COL11A1: variants seen among roughly 807,000 people sequenced by gnomAD.
COL11A1 encodes the protein collagen type XI alpha 1 chain, also known as collagen alpha-1(XI) chain.
In COL11A1, 74 loss-of-function variants were observed where a neutral mutation model predicts 265.2. The ratio of observed to expected loss-of-function variants is 0.28; its 90% confidence interval spans 0.23 to 0.34. COL11A1 has a LOEUF of 0.34. Among genes scored for constraint, COL11A1 ranks in the 10% least tolerant of loss-of-function variants. The probability of loss-of-function intolerance (pLI) is 1.00; values close to 1 mark genes in which losing one functional copy is unlikely to be tolerated. For missense variants in COL11A1, 2,165 were observed against 2,263.6 expected (o/e 0.96, Z 0.88); for synonymous variants, 816 against 727.6 (o/e 1.12, Z -1.96).
At chr1:103,095,987 A>G (rs1050647147) in intron 1 of COL11A1, among the ~76,000 whole-genome samples, 7 of 152,098 alleles carry the variant, frequency 4.6e-5, no homozygotes, top group African/African-American at 1.7e-4. Flanking sequence ...ACTGATAACA[A>G]GCTGTATAGG....
intron 4 of COL11A1, among the ~76,000 whole-genome samples, chr1:103,035,372 C>A (rs1668283923): frequency 1.3e-5 from 2 of 152,008 alleles, no homozygotes; most frequent in African/African-American, 4.8e-5. Context: ...ATTATCACCA[C>A]AAAAATGAGC....
At chr1:102,934,706 A>T in intron 45 of COL11A1, 150 bp from the exon 46 acceptor site, 2 of 692,272 alleles carry the variant, frequency 2.9e-6, no homozygotes, top group South Asian at 1.8e-5. Context: ...TATCTGCTCC[A>T]ATATACTATT....
At chr1:102,878,190 A>G in intron 66 of COL11A1, 25 bp from the exon 67 acceptor site, 1 of 1,590,430 alleles carries the variant, frequency 6.3e-7, no homozygotes. Flanking sequence ...AGAAATAAAA[A>G]GTTATACAAT....
chr1:103,074,162 T>G (rs1332915913), intron 4 of COL11A1, among the ~76,000 whole-genome samples: 1 of 152,110 alleles, frequency 6.6e-6, no homozygotes, highest in Admixed American at 6.6e-5. Flanking sequence ...TTTAAAGTGA[T>G]TTAAACACTT....
At chr1:103,098,018 G>A (rs1673925248) in intron 1 of COL11A1, among the ~76,000 whole-genome samples, 1 of 151,856 alleles carries the variant, frequency 6.6e-6, no homozygotes, top group Non-Finnish European at 1.5e-5. Flanking sequence ...CTAGTTGAGA[G>A]TATGACATTT....
rs191669198 is a variant in COL11A1 at position 102,897,906 on chromosome 1, A to C, written c.4302+219T>G. ...TCAGAGTGGAAATATTTTTTCATCCAAAGTGCATAAGAAAGAAACAAATCT... is the reference window on the plus strand; with the variant it reads ...TCAGAGTGGAAATATTTTTTCATCCCAAGTGCATAAGAAAGAAACAAATCT... On this transcript the variant is annotated intron_variant, in intron 57 of 66. Coordinates refer to ENST00000370096, the MANE Select transcript of COL11A1 (RefSeq NM_001854.4). Among the ~76,000 whole-genome samples the C allele has an allele frequency of 3.7e-3, 561 of 152,262 alleles. 9 individuals carry two copies. Among genetic ancestry groups the C allele is most frequent in the Admixed American group, 6.3e-3 (97 of 15,284 alleles).
chr1:102,949,402 G>A (rs1419227463), intron 41 of COL11A1, among the ~76,000 whole-genome samples: 1 of 150,380 alleles, frequency 6.6e-6, no homozygotes, highest in African/African-American at 2.5e-5. Flanking sequence ...ATTTTAATTT[G>A]TCGGGCCATA....
chr1:103,058,281 A>G (rs1243091196), intron 4 of COL11A1, among the ~76,000 whole-genome samples: 4 of 152,140 alleles, frequency 2.6e-5, no homozygotes, highest in Admixed American at 2.6e-4. Context: ...AGAATTGAAG[A>G]GAGTTAAGGC....
In COL11A1 at chr1:102,877,913, C is replaced by G. The variant is rs878890922; in HGVS notation, c.*106G>C. The G allele has an allele frequency of 8.9e-7, 1 of 1,118,768 alleles. No homozygotes were observed. Among genetic ancestry groups the G allele is most frequent in the Non-Finnish European group, 1.4e-6 (1 of 733,726 alleles). The allele number at this position is 1,118,768 out of a possible 1,614,324, so 69.3% of individuals were successfully genotyped here. ...TCCTAAATGGTACCTGTATATGCAG[C>G]GTTGTTTTCTATACCATCCTTATTC... On this transcript the variant is annotated 3_prime_UTR_variant, in exon 67 of 67. Transcript: ENST00000370096.
In COL11A1 at chr1:102,919,358, T is replaced by C. The variant is rs187163190; in HGVS notation, c.3762+953A>G. Among the ~76,000 whole-genome samples the C allele has an allele frequency of 4.5e-3, 677 of 151,760 alleles. 2 individuals carry two copies. The highest frequency in any genetic ancestry group is 7.2e-3 in the Admixed American group (109 of 15,222). On this transcript the variant is annotated intron_variant, in intron 49 of 66. Transcript: ENST00000370096. ...AAAATATAATAACAATCTAATCTTATTACATTTTTCTGAGAATTAAATGCT... is the reference window on the plus strand; with the variant it reads ...AAAATATAATAACAATCTAATCTTACTACATTTTTCTGAGAATTAAATGCT...
At chr1:103,042,234 A>G (rs1215448336) in intron 4 of COL11A1, among the ~76,000 whole-genome samples, 1 of 152,088 alleles carries the variant, frequency 6.6e-6, no homozygotes, top group East Asian at 1.9e-4. Context: ...ATACTTATAG[A>G]CTGGTTATTC....
chr1:103,035,588 T>G (rs1668304954), intron 4 of COL11A1, among the ~76,000 whole-genome samples: 1 of 152,056 alleles, frequency 6.6e-6, no homozygotes, highest in African/African-American at 2.4e-5. Context: ...CTCTCTCAAA[T>G]AGTGCTTTAA....
chr1:103,053,096 T>G (rs1558002710), intron 4 of COL11A1, among the ~76,000 whole-genome samples: 1 of 152,198 alleles, frequency 6.6e-6, no homozygotes, highest in Non-Finnish European at 1.5e-5. Context: ...TATTGTGCAT[T>G]GCCGGCAGTA....
rs1446583413 is a variant in COL11A1 at position 103,021,699 on chromosome 1, C to T, written c.1308+8G>A. 6.3e-7 allele frequency: 1 copy of T among 1,597,476 alleles called. No homozygotes were observed. Among genetic ancestry groups the T allele is most frequent in the East Asian group, 2.2e-5 (1 of 44,780 alleles). ...CAACCTTTAAAGTGTATTCACACTA[C>T]TACTTACAGGCTCAACCACTGCTGG... On this transcript the variant is annotated splice_region_variant and intron_variant, in intron 9 of 66. Coordinates refer to ENST00000370096, the MANE Select transcript of COL11A1 (RefSeq NM_001854.4).
At chr1:102,903,255 T>A (rs1570677553) in intron 54 of COL11A1, among the ~76,000 whole-genome samples, 1 of 152,202 alleles carries the variant, frequency 6.6e-6, no homozygotes, top group African/African-American at 2.4e-5. Context: ...TGAATGATAA[T>A]GTAATTCTCC....
chr1:102,914,668 A>G, intron 51 of COL11A1, 36 bp downstream of exon 51: 2 of 1,506,286 alleles, frequency 1.3e-6, no homozygotes, highest in Non-Finnish European at 9.2e-7. Flanking sequence ...TGAGTTTGGC[A>G]TAAATGCCAC....
At chr1:102,951,634 G>A (rs1206527180) in intron 41 of COL11A1, among the ~76,000 whole-genome samples, 1 of 152,124 alleles carries the variant, frequency 6.6e-6, no homozygotes, top group East Asian at 1.9e-4. Flanking sequence ...CAGCTACTCG[G>A]GAGGCTGAGG....
At position 103,004,606 on chromosome 1, in the gene COL11A1, AC is replaced by A; in HGVS notation, c.1899+1del. 6.2e-7 allele frequency: 1 copy of A among 1,608,146 alleles called. No homozygotes were observed. The highest frequency in any genetic ancestry group is 8.5e-7 in the Non-Finnish European group (1 of 1,176,776). Reference sequence around the variant, plus strand: ...TTCTTAAGAAAAGAAGTATTAACATACCCTCATTCCATCATCACCAGGAGGA... The same window carrying A: ...TTCTTAAGAAAAGAAGTATTAACATACCTCATTCCATCATCACCAGGAGGA... On this transcript the variant is annotated splice_donor_variant, in intron 19 of 66. Transcript: ENST00000370096. LOFTEE classifies it high-confidence loss of function.
chr1:103,037,252 TTGTGTGTGTGTG>T (rs10582908), intron 4 of COL11A1, among the ~76,000 whole-genome samples: 511 of 145,220 alleles, frequency 3.5e-3, no homozygotes, highest in African/African-American at 0.011. Flanking sequence ...TACATTTAGA[TTGTGTGTGTGTG>T]TGTGTGTGTG....
Sources: allele counts gnomAD v4.1 joint callset (sites outside exome capture counted in the v4.1 genomes callset), GRCh38; gene constraint gnomAD v4.1.1; transcripts MANE v1.5; gene names NCBI Gene and HGNC (gene_info 2026-07-23, HGNC 2026-07-21).